The following TSGA10IP variants were observed in gnomAD, a reference collection of about 807,000 sequenced individuals.
The protein encoded by TSGA10IP is testis specific 10 interacting protein.
Under a neutral mutation model 63.2 loss-of-function variants are expected in TSGA10IP, and 64 were observed. The observed-to-expected ratio is 1.01, with a 90% CI of 0.83 to 1.25. TSGA10IP has a LOEUF of 1.25. TSGA10IP is among the 50% of genes most tolerant of loss of function. The pLI, the probability that TSGA10IP is intolerant of heterozygous loss-of-function variation, is 0.00. For missense variants in TSGA10IP, 681 were observed against 710.1 expected (o/e 0.96, Z 0.47); for synonymous variants, 316 against 298.3 (o/e 1.06, Z -0.61).
At chr11:65,946,080 T>C (rs1431771786) in intron 1 of TSGA10IP, among the ~76,000 whole-genome samples, 2 of 152,068 alleles carry the variant, frequency 1.3e-5, no homozygotes, top group African/African-American at 4.8e-5. Context: ...TCAGGAAAGA[T>C]GAAGACCACC....
At chr11:65,948,947 C>T (rs986084780) in intron 4 of TSGA10IP, among the ~76,000 whole-genome samples, 11 of 151,748 alleles carry the variant, frequency 7.2e-5, no homozygotes, top group African/African-American at 2.4e-4. Context: ...TGCACTCCAG[C>T]CTGGGTGACA....
intron 1 of TSGA10IP, 133 bp downstream of exon 1, chr11:65,945,955 G>A: frequency 8.9e-7 from 1 of 1,124,610 alleles, no homozygotes; most frequent in Non-Finnish European, 1.3e-6. Context: ...AGGCAGGAGT[G>A]GGACAGGGAC....
intron 7 of TSGA10IP, 46 bp from the exon 8 acceptor site, chr11:65,959,771 G>T (rs1338996714): frequency 6.6e-7 from 1 of 1,518,682 alleles, no homozygotes; most frequent in Non-Finnish European, 8.9e-7. Flanking sequence ...CCTTGGGCAT[G>T]GGGGTGGGAG....
intron 4 of TSGA10IP, among the ~76,000 whole-genome samples, chr11:65,948,846 G>A (rs1854893293): frequency 1.3e-5 from 2 of 152,072 alleles, no homozygotes; most frequent in Non-Finnish European, 2.9e-5. Flanking sequence ...ATGGTGGTGT[G>A]TGCCTGGAGT....
At position 65,953,988 on chromosome 11, in the gene TSGA10IP, T is replaced by C. The variant is rs57523769; in HGVS notation, c.1322+251T>C. ...AAATATTCTACATGTATGATCACAC[T>C]TTCAAATCTTCATTTTCTGATTTCC... On this transcript the variant is annotated intron_variant, in intron 5 of 7. Transcript: ENST00000532620. 3.9e-5 allele frequency among the ~76,000 whole-genome samples: 6 copies of C among 152,348 alleles called. No individual in the cohort carries two copies. In the East Asian group the frequency reaches 1.2e-3, roughly 29 times the overall value.
At chr11:65,956,940 G>A (rs1181759325) in intron 5 of TSGA10IP, among the ~76,000 whole-genome samples, 1 of 152,166 alleles carries the variant, frequency 6.6e-6, no homozygotes, top group African/African-American at 2.4e-5. Context: ...ATTTGAGAGG[G>A]CTAAGGCATA....
At chr11:65,958,849 TGG>T (rs1855068189) in intron 5 of TSGA10IP, 32 bp from the exon 6 acceptor site, 4 of 1,583,998 alleles carry the variant, frequency 2.5e-6, no homozygotes, top group Non-Finnish European at 3.5e-6. Flanking sequence ...GTTGTGTCCA[TGG>T]TTAGCTGCAC....
intron 4 of TSGA10IP, 115 bp from the exon 5 acceptor site, chr11:65,953,452 C>T (rs1854972504): frequency 7.2e-7 from 1 of 1,380,954 alleles, no homozygotes; most frequent in African/African-American, 1.5e-5. Flanking sequence ...GACACTGGCT[C>T]TGGACACTGC....
At chr11:65,946,429 T>TTTTG (rs746142369) in intron 1 of TSGA10IP, among the ~76,000 whole-genome samples, 11 of 151,874 alleles carry the variant, frequency 7.2e-5, no homozygotes, top group Admixed American at 1.3e-4. Flanking sequence ...GGTCGGGTTT[T>TTTTG]TTTGTTTGTT....
At chr11:65,952,385 A>G (rs1854956808) in intron 4 of TSGA10IP, among the ~76,000 whole-genome samples, 1 of 151,836 alleles carries the variant, frequency 6.6e-6, no homozygotes, top group Non-Finnish European at 1.5e-5. Flanking sequence ...CCAAAAAACC[A>G]TTGCCCAGAC....
At chr11:65,945,877 G>T (rs1854822119) in intron 1 of TSGA10IP, 55 bp downstream of exon 1, 1 of 1,591,792 alleles carries the variant, frequency 6.3e-7, no homozygotes, top group African/African-American at 1.3e-5. Context: ...GTGGGTCAGG[G>T]AGGCCTGGGC....
chr11:65,956,658 G>A lies in TSGA10IP; in HGVS notation c.1323-2225G>A, dbSNP rs369363152. Among the ~76,000 whole-genome samples the A allele has an allele frequency of 1.7e-4, 26 of 152,272 alleles. No homozygotes were observed. The South Asian group carries it at 5.4e-3, about 32-fold the overall frequency. On this transcript the variant is annotated intron_variant, in intron 5 of 7. Coordinates refer to ENST00000532620, the Ensembl canonical transcript of TSGA10IP. The stretch of plus-strand genomic sequence containing the variant: ...TTCTCCTGCCTCAGCAACCTGAGTA[G>A]CTGGGACCACAGGTGCGCGCCACCA...
intron 1 of TSGA10IP, 127 bp downstream of exon 1, chr11:65,945,949 A>T: frequency 8.3e-7 from 1 of 1,207,486 alleles, no homozygotes; most frequent in Non-Finnish European, 1.2e-6. Flanking sequence ...TCAGGGAGGC[A>T]GGAGTGGGAC....
At chr11:65,954,584 G>A (rs1041038043) in intron 5 of TSGA10IP, among the ~76,000 whole-genome samples, 6 of 151,894 alleles carry the variant, frequency 4.0e-5, no homozygotes, top group Admixed American at 3.9e-4. Flanking sequence ...TCTTCCCTTG[G>A]CCGCACAAAA....
chr11:65,947,345 C>A, exon 3 of TSGA10IP: 2 of 1,611,776 alleles, frequency 1.2e-6, no homozygotes, highest in Non-Finnish European at 1.7e-6. Flanking sequence ...GGCGAGACAG[C>A]AGCTGGGAGC....
Position 65,959,264 on chromosome 11 carries a change from GCTGT to G in TSGA10IP, c.1501_1504del (p.Ser501ArgfsTer22), listed in dbSNP as rs766190402. 1 of 1,610,862 alleles carries G rather than the reference GCTGT, an allele frequency of 6.2e-7. No individual in the cohort carries two copies. Among genetic ancestry groups the G allele is most frequent in the East Asian group, 2.2e-5 (1 of 44,860 alleles). On this transcript the variant is annotated frameshift_variant, in exon 7 of 8. Transcript: ENST00000532620. LOFTEE classifies it low-confidence loss of function (END_TRUNC). Reference sequence around the variant, plus strand: ...CACTGGGGCTGGATGAGGAGCAGCTGCTGTCTGAGGCAGGAAAGGTGGACAGAGA... The same window carrying G: ...CACTGGGGCTGGATGAGGAGCAGCTGCTGAGGCAGGAAAGGTGGACAGAGA...
intron 4 of TSGA10IP, among the ~76,000 whole-genome samples, chr11:65,952,481 A>G (rs1478532058): frequency 2.0e-5 from 3 of 151,198 alleles, no homozygotes; most frequent in Non-Finnish European, 3.0e-5. Flanking sequence ...CAGAGTCTCA[A>G]TCTGTCACCC....
intron 5 of TSGA10IP, among the ~76,000 whole-genome samples, chr11:65,956,348 G>A (rs1855024360): frequency 6.6e-6 from 1 of 151,982 alleles, no homozygotes; most frequent in African/African-American, 2.4e-5. Context: ...TGTTGGTCAG[G>A]CTGGTCTTGA....
exon 3 of TSGA10IP, chr11:65,947,438 C>T (rs768856024): frequency 6.2e-7 from 1 of 1,613,488 alleles, no homozygotes; most frequent in Non-Finnish European, 8.5e-7. Flanking sequence ...TGGGAGGAGG[C>T]CAGGATCAGG....
Sources: gnomAD v4.1 joint callset for allele counts (sites outside exome capture counted in the v4.1 genomes callset) on GRCh38, gnomAD v4.1.1 for gene constraint, MANE v1.5 for transcripts, NCBI Gene and HGNC (gene_info 2026-07-23, HGNC 2026-07-21) for gene names.